Variants in SLC68A1 observed in about 807,000 individuals in gnomAD.
SLC68A1 encodes the protein solute carrier family 68 member 1, also known as major facilitator superfamily domain containing 13A.
At chr10:102,473,552 C>T in the SLC68A1 span, 9 of 1,575,734 alleles carry the variant, frequency 5.7e-6, no homozygotes, top group South Asian at 8.2e-5. Context: ...CAAGGTGGCT[C>T]CCCGTCTTCC....
the SLC68A1 span, chr10:102,472,099 G>C: frequency 6.7e-6 from 3 of 451,000 alleles, no homozygotes; most frequent in Non-Finnish European, 1.3e-5. Flanking sequence ...GGAGTTCGAG[G>C]CTGCAATGAG....
the SLC68A1 span, chr10:102,469,138 T>A: frequency 6.2e-7 from 1 of 1,614,168 alleles, no homozygotes; most frequent in Non-Finnish European, 8.5e-7. Context: ...CCTGCTCTAC[T>A]ATGTGGACAC....
At chr10:102,476,759 C>A in the SLC68A1 span, 1 of 985,932 alleles carries the variant, frequency 1.0e-6, no homozygotes, top group Non-Finnish European at 1.2e-6. Context: ...TGCCATGGGG[C>A]GTGGGAGCCC....
chr10:102,472,060 C>T, the SLC68A1 span: 8 of 454,978 alleles, frequency 1.8e-5, no homozygotes, highest in South Asian at 3.1e-5. Context: ...CACTTCGGGA[C>T]GCCAAGGTGG....
the SLC68A1 span, chr10:102,476,355 A>T: frequency 3.0e-6 from 1 of 336,964 alleles, no homozygotes; most frequent in Non-Finnish European, 4.3e-6. Flanking sequence ...GGCGTGAGCC[A>T]CTGTGGCCAA....
the SLC68A1 span, chr10:102,470,031 C>T: frequency 1.9e-6 from 3 of 1,614,148 alleles, no homozygotes; most frequent in East Asian, 6.7e-5. Flanking sequence ...ATGACCCCCT[C>T]TTCGGTTGGC....
At chr10:102,471,387 C>A in the SLC68A1 span, 1 of 1,612,490 alleles carries the variant, frequency 6.2e-7, no homozygotes, top group South Asian at 1.1e-5. Flanking sequence ...TGAGCATGGA[C>A]CTGGTGCAGG....
the SLC68A1 span, chr10:102,476,219 C>T: frequency 3.2e-6 from 2 of 623,978 alleles, no homozygotes; most frequent in South Asian, 7.3e-5. Context: ...AGGAGCGTGC[C>T]ACCATGCCCG....
chr10:102,476,571 C>T, the SLC68A1 span: 5 of 985,916 alleles, frequency 5.1e-6, no homozygotes, highest in South Asian at 4.7e-5. Context: ...GACATGGCAG[C>T]GGGTAGCTCC....
the SLC68A1 span, chr10:102,475,967 G>A: frequency 1.2e-6 from 2 of 1,605,304 alleles, no homozygotes; most frequent in Non-Finnish European, 1.7e-6. Context: ...CCAAACCCTG[G>A]ATGTTAAGAT....
the SLC68A1 span, chr10:102,469,967 C>T: frequency 9.9e-6 from 16 of 1,610,870 alleles, no homozygotes; most frequent in East Asian, 3.6e-4. Flanking sequence ...CTAGAGCCCA[C>T]CTTCCTGTCT....
chr10:102,475,503 TGAG>T, the SLC68A1 span, among the ~76,000 whole-genome samples: 168 of 152,126 alleles, frequency 1.1e-3, no homozygotes, highest in African/African-American at 3.8e-3. Flanking sequence ...ACCAGGGAAC[TGAG>T]GAGGACTTTG....
chr10:102,462,608 AG>A, the SLC68A1 span, among the ~76,000 whole-genome samples: 6 of 152,134 alleles, frequency 3.9e-5, no homozygotes, highest in Non-Finnish European at 8.8e-5. Context: ...TTTACCTACC[AG>A]GGGCCTGGTA....
At chr10:102,474,934 CA>C in the SLC68A1 span, among the ~76,000 whole-genome samples, 1 of 151,758 alleles carries the variant, frequency 6.6e-6, no homozygotes, top group South Asian at 2.1e-4. Flanking sequence ...AGGCATGAGC[CA>C]CCACGCCCGG....
the SLC68A1 span, among the ~76,000 whole-genome samples, chr10:102,463,676 T>C: frequency 6.6e-6 from 1 of 152,114 alleles, no homozygotes; most frequent in Non-Finnish European, 1.5e-5. Flanking sequence ...AAAACCTGTT[T>C]TGAATCTTGA....
At chr10:102,471,447 A>G in the SLC68A1 span, 1 of 1,592,656 alleles carries the variant, frequency 6.3e-7, no homozygotes, top group Non-Finnish European at 8.6e-7. Context: ...ACTTCACTCA[A>G]GGGGACAGAC....
the SLC68A1 span, among the ~76,000 whole-genome samples, chr10:102,467,782 T>C: frequency 6.6e-6 from 1 of 151,996 alleles, no homozygotes; most frequent in Non-Finnish European, 1.5e-5. Context: ...TCAGCCTCCC[T>C]AGTAGCTGGG....
the SLC68A1 span, among the ~76,000 whole-genome samples, chr10:102,464,944 C>A: frequency 6.6e-6 from 1 of 151,874 alleles, no homozygotes; most frequent in African/African-American, 2.4e-5. Context: ...TATGGTGAAA[C>A]CCCAGTTCTA....
chr10:102,472,982 C>G, the SLC68A1 span: 5 of 1,521,934 alleles, frequency 3.3e-6, no homozygotes, highest in Non-Finnish European at 4.6e-6. Context: ...TTCATGCAAG[C>G]TGGAAGGAGA....
Sources: gnomAD v4.1 joint callset for allele counts (sites outside exome capture counted in the v4.1 genomes callset) on GRCh38, gnomAD v4.1.1 for gene constraint, MANE v1.5 for transcripts, NCBI Gene and HGNC (gene_info 2026-07-23, HGNC 2026-07-21) for gene names.